FARS2: variants seen among roughly 807,000 people sequenced by gnomAD.
FARS2 encodes phenylalanine--tRNA ligase, mitochondrial.
A neutral mutation model predicts 46.4 loss-of-function variants in FARS2; 40 were observed. The observed-to-expected ratio is 0.86, with a 90% confidence interval of 0.67 to 1.12. The LOEUF is 1.12. Among genes scored for constraint, FARS2 ranks in the 50% most tolerant of loss-of-function variants. The pLI is 0.00. For synonymous variants in FARS2, 234 were observed against 214.9 expected (o/e 1.09, Z -0.78); for missense variants, 513 against 567.9 (o/e 0.90, Z 0.98).
At chr6:5,282,942 T>A (rs1183423201) in intron 1 of FARS2, among the ~76,000 whole-genome samples, 1 of 152,008 alleles carries the variant, frequency 6.6e-6, no homozygotes, top group African/African-American at 2.4e-5. Flanking sequence ...ATGCATATAG[T>A]ATAACATTCA....
rs963672003 is a variant in FARS2 at position 5,325,831 on chromosome 6, A to G, written c.-21-42719A>G. Among the ~76,000 whole-genome samples the G allele has an allele frequency of 3.4e-4, 51 of 152,224 alleles. 1 individual carries two copies. Among genetic ancestry groups the G allele is most frequent in the African/African-American group, 9.4e-4 (39 of 41,462 alleles). On this transcript the variant is annotated intron_variant, in intron 1 of 6. Coordinates refer to ENST00000274680, the MANE Select transcript of FARS2 (RefSeq NM_006567.5). Reference sequence around the variant, plus strand: ...AACAACATGGTAGTAGTAAAATGTCAAGGATAGGCTGTTAACAAAAAGTAA... The same window carrying G: ...AACAACATGGTAGTAGTAAAATGTCGAGGATAGGCTGTTAACAAAAAGTAA...
At chr6:5,394,427 T>C (rs1165848109) in intron 2 of FARS2, among the ~76,000 whole-genome samples, 1 of 152,200 alleles carries the variant, frequency 6.6e-6, no homozygotes, top group African/African-American at 2.4e-5. Context: ...GTGTGCATAG[T>C]GGGCTATACC....
chr6:5,505,637 G>A (rs1768055078), intron 4 of FARS2, among the ~76,000 whole-genome samples: 1 of 152,124 alleles, frequency 6.6e-6, no homozygotes, highest in Non-Finnish European at 1.5e-5. Flanking sequence ...CCTCCGTTTG[G>A]GGTCCCTGAC....
intron 1 of FARS2, among the ~76,000 whole-genome samples, chr6:5,345,814 T>C (rs892288162): frequency 6.6e-6 from 1 of 152,250 alleles, no homozygotes; most frequent in Non-Finnish European, 1.5e-5. Flanking sequence ...TTTGAATTTC[T>C]AATAAATGTC....
intron 4 of FARS2, among the ~76,000 whole-genome samples, chr6:5,486,264 C>T (rs1766770016): frequency 6.6e-6 from 1 of 152,154 alleles, no homozygotes; most frequent in Non-Finnish European, 1.5e-5. Flanking sequence ...TTATCATCCT[C>T]ACTACAGGAC....
chr6:5,287,365 T>C (rs1350984077), intron 1 of FARS2, among the ~76,000 whole-genome samples: 1 of 152,150 alleles, frequency 6.6e-6, no homozygotes, highest in Non-Finnish European at 1.5e-5. Context: ...CCTGTTCTAG[T>C]GCTCAGAACT....
intron 4 of FARS2, among the ~76,000 whole-genome samples, chr6:5,451,098 T>C (rs1239117519): frequency 6.6e-6 from 1 of 152,204 alleles, no homozygotes; most frequent in Non-Finnish European, 1.5e-5. Flanking sequence ...ATAGTTTGCT[T>C]TCATTCTGAA....
intron 6 of FARS2, among the ~76,000 whole-genome samples, chr6:5,770,716 A>G (rs897573355): frequency 6.6e-6 from 1 of 152,182 alleles, no homozygotes; most frequent in Non-Finnish European, 1.5e-5. Flanking sequence ...AGTCAACACC[A>G]ATGTCATAAA....
intron 4 of FARS2, chr6:5,467,046 G>A (rs1765554985): frequency 1.0e-6 from 1 of 984,956 alleles, no homozygotes; most frequent in Admixed American, 6.1e-5. Flanking sequence ...GATGGACCAT[G>A]GGATACCAGC....
chr6:5,538,576 C>A (rs1770365334), intron 4 of FARS2, among the ~76,000 whole-genome samples: 1 of 152,210 alleles, frequency 6.6e-6, no homozygotes, highest in East Asian at 1.9e-4. Context: ...GAAAAGGAAG[C>A]CTTTTCTGTT....
At chr6:5,326,035 G>A (rs567685668) in intron 1 of FARS2, among the ~76,000 whole-genome samples, 3 of 152,302 alleles carry the variant, frequency 2.0e-5, no homozygotes, top group African/African-American at 7.2e-5. Flanking sequence ...TAGGGACAAT[G>A]TTTATGACAA....
the FARS2 span, among the ~76,000 whole-genome samples, chr6:5,254,613 C>T: frequency 6.6e-6 from 1 of 152,148 alleles, no homozygotes; most frequent in South Asian, 2.1e-4. Flanking sequence ...GATATGTGCC[C>T]TAACAAAGGT....
chr6:5,575,959 T>C (rs917226652), intron 5 of FARS2, among the ~76,000 whole-genome samples: 1 of 152,154 alleles, frequency 6.6e-6, no homozygotes, highest in African/African-American at 2.4e-5. Context: ...TGCCCCCATA[T>C]TGGTGGTGAG....
chr6:5,255,936 G>A, the FARS2 span, among the ~76,000 whole-genome samples: 1 of 152,012 alleles, frequency 6.6e-6, no homozygotes, highest in Non-Finnish European at 1.5e-5. Context: ...GTTTTAATTT[G>A]ACTTATGATG....
At chr6:5,691,550 G>T (rs530166247) in intron 6 of FARS2, among the ~76,000 whole-genome samples, 1 of 152,322 alleles carries the variant, frequency 6.6e-6, no homozygotes, top group African/African-American at 2.4e-5. Flanking sequence ...TCCTCTGGAA[G>T]TTTTGTCTCA....
At chr6:5,364,683 G>A (rs1018192534) in intron 1 of FARS2, among the ~76,000 whole-genome samples, 9 of 152,158 alleles carry the variant, frequency 5.9e-5, no homozygotes, top group Non-Finnish European at 1.2e-4. Context: ...GAAAGCCATG[G>A]CAAATGATAA....
At chr6:5,624,704 A>C (rs1161580665) in intron 6 of FARS2, among the ~76,000 whole-genome samples, 2 of 152,068 alleles carry the variant, frequency 1.3e-5, no homozygotes, top group East Asian at 3.9e-4. Context: ...ACATCCTTTG[A>C]TGTTCCCTGC....
At chr6:5,367,906 A>G (rs1289706110) in intron 1 of FARS2, among the ~76,000 whole-genome samples, 1 of 152,188 alleles carries the variant, frequency 6.6e-6, no homozygotes, top group East Asian at 1.9e-4. Context: ...TTATCTTTAA[A>G]ATATTAAAGT....
chr6:5,475,463 A>G (rs965000198), intron 4 of FARS2, among the ~76,000 whole-genome samples: 1 of 152,168 alleles, frequency 6.6e-6, no homozygotes, highest in Non-Finnish European at 1.5e-5. Context: ...AGGGATAATA[A>G]AAGAGGACAG....
Sources: gnomAD v4.1 joint callset for allele counts (sites outside exome capture counted in the v4.1 genomes callset) on GRCh38, gnomAD v4.1.1 for gene constraint, MANE v1.5 for transcripts, NCBI Gene and HGNC (gene_info 2026-07-23, HGNC 2026-07-21) for gene names.